NOX4: variants seen among roughly 807,000 people sequenced by gnomAD.
The protein encoded by NOX4 is kidney oxidase-1.
A neutral mutation model predicts 87.6 loss-of-function variants in NOX4; 69 were observed. The ratio of observed to expected loss-of-function variants is 0.79; its 90% CI spans 0.65 to 0.96. NOX4 has a LOEUF of 0.96. NOX4 is among the 40% of genes least tolerant of loss of function. The pLI, the probability that NOX4 is intolerant of heterozygous loss-of-function variation, is 0.00. For synonymous variants in NOX4, 275 were observed against 238.2 expected (o/e 1.15, Z -1.42); for missense variants, 680 against 681.5 (o/e 1.00, Z 0.02).
chr11:89,433,694 A>G (rs1943931969), intron 6 of NOX4, among the ~76,000 whole-genome samples: 1 of 152,134 alleles, frequency 6.6e-6, no homozygotes, highest in Non-Finnish European at 1.5e-5. Context: ...ACTTGCAGAC[A>G]TATTTCTCCT....
At chr11:89,357,329 T>TC in intron 12 of NOX4, among the ~76,000 whole-genome samples, 1 of 152,224 alleles carries the variant, frequency 6.6e-6, no homozygotes, top group South Asian at 2.1e-4. Flanking sequence ...AAAAAAATAC[T>TC]CTGTGTTTTT....
chr11:89,375,231 A>C (rs1939749525), intron 11 of NOX4, among the ~76,000 whole-genome samples: 1 of 152,110 alleles, frequency 6.6e-6, no homozygotes, highest in Admixed American at 6.5e-5. Context: ...ACATTGTTTA[A>C]ATATTTGTAT....
At chr11:89,554,737 A>G in the NOX4 span, among the ~76,000 whole-genome samples, 1 of 152,270 alleles carries the variant, frequency 6.6e-6, no homozygotes, top group South Asian at 2.1e-4. Flanking sequence ...GTTGACATTT[A>G]GTTAGCAATC....
chr11:89,490,620 A>T (rs1241062696), intron 1 of NOX4, 67 bp from the exon 2 acceptor site: 2 of 1,127,608 alleles, frequency 1.8e-6, no homozygotes, highest in Non-Finnish European at 2.7e-6. Context: ...ATGAATAGAA[A>T]CCACAGGTAA....
intron 17 of NOX4, among the ~76,000 whole-genome samples, chr11:89,334,787 T>A (rs1385682145): frequency 6.6e-6 from 1 of 151,706 alleles, no homozygotes; most frequent in East Asian, 1.9e-4. Flanking sequence ...AAATGAAATA[T>A]TTAATTTATG....
intron 6 of NOX4, among the ~76,000 whole-genome samples, chr11:89,439,653 C>A (rs1944370896): frequency 6.6e-6 from 1 of 152,064 alleles, no homozygotes; most frequent in Non-Finnish European, 1.5e-5. Context: ...ATCCTTGTCC[C>A]TGAAATATGT....
At chr11:89,345,499 C>A (rs1360321941) in intron 13 of NOX4, among the ~76,000 whole-genome samples, 1 of 152,112 alleles carries the variant, frequency 6.6e-6, no homozygotes, top group Non-Finnish European at 1.5e-5. Context: ...AGACACATGA[C>A]CATGAGCTTA....
chr11:89,558,578 G>A, the NOX4 span, among the ~76,000 whole-genome samples: 3 of 152,120 alleles, frequency 2.0e-5, no homozygotes, highest in African/African-American at 7.2e-5. Flanking sequence ...CCCAGGCTTA[G>A]TAGTACCCCA....
chr11:89,541,332 A>T, the NOX4 span, among the ~76,000 whole-genome samples: 3 of 152,258 alleles, frequency 2.0e-5, no homozygotes, highest in East Asian at 5.8e-4. Flanking sequence ...CCCTAAGAAG[A>T]GTTTTTTTCC....
the NOX4 span, among the ~76,000 whole-genome samples, chr11:89,541,480 C>A: frequency 6.6e-6 from 1 of 152,146 alleles, no homozygotes; most frequent in Non-Finnish European, 1.5e-5. Flanking sequence ...CAATACACTA[C>A]CAGGTATTAG....
At chr11:89,404,013 T>C (rs1454008479) in intron 8 of NOX4, among the ~76,000 whole-genome samples, 1 of 152,060 alleles carries the variant, frequency 6.6e-6, no homozygotes, top group Non-Finnish European at 1.5e-5. Flanking sequence ...GGGGCATGCA[T>C]TACATGACAT....
the NOX4 span, among the ~76,000 whole-genome samples, chr11:89,579,513 T>C: frequency 2.0e-5 from 3 of 151,902 alleles, no homozygotes; most frequent in African/African-American, 7.3e-5. Context: ...CCATAGAATA[T>C]ACAACATAAA....
In NOX4 at chr11:89,400,052, A is replaced by G. The variant is rs1335485186; in HGVS notation, c.1039T>C (p.Ser347Pro). 1 of 1,608,540 alleles carries G rather than the reference A, an allele frequency of 6.2e-7. No individual in the cohort carries two copies. Among genetic ancestry groups the G allele is most frequent in the Middle Eastern group, 1.7e-4 (1 of 6,024 alleles). Reference sequence around the variant, plus strand: ...GTAAATGGATGATTTTCTAATGCAGATACACTGGGACAATGTAGAGTAATA... The same window carrying G: ...GTAAATGGATGATTTTCTAATGCAGGTACACTGGGACAATGTAGAGTAATA... ...QYITLHCPSV[S>P]ALENHPFTLT... Residue 347 changes from serine to proline, a missense_variant, in exon 11 of 18, where the codon TCT becomes CCT. Physicochemically the swap from Ser to Pro is moderately conservative, Grantham distance 74. Transcript: ENST00000263317.
the NOX4 span, among the ~76,000 whole-genome samples, chr11:89,561,070 T>C: frequency 2.6e-5 from 3 of 117,252 alleles, no homozygotes; most frequent in South Asian, 5.4e-4. Context: ...TATATATATA[T>C]ATATATATAT....
chr11:89,582,289 G>C, the NOX4 span, among the ~76,000 whole-genome samples: 1 of 151,896 alleles, frequency 6.6e-6, no homozygotes, highest in Non-Finnish European at 1.5e-5. Context: ...CATCTGTTGA[G>C]GGATATTTAG....
At chr11:89,549,834 T>C in the NOX4 span, among the ~76,000 whole-genome samples, 4 of 152,208 alleles carry the variant, frequency 2.6e-5, no homozygotes, top group Admixed American at 1.3e-4. Context: ...GAACTCATTC[T>C]TTTTTACGGC....
intron 2 of NOX4, chr11:89,488,824 C>A: frequency 1.9e-6 from 1 of 523,064 alleles, no homozygotes; most frequent in Non-Finnish European, 3.4e-6. Flanking sequence ...GAAAACAAAA[C>A]CAAAAAGTTA....
intron 11 of NOX4, among the ~76,000 whole-genome samples, chr11:89,379,942 T>G (rs938481726): frequency 5.3e-5 from 8 of 152,068 alleles, no homozygotes. Context: ...GCAGCCAGAG[T>G]GATCCTGTTG....
chr11:89,476,222 T>C (rs1007360947), intron 2 of NOX4, among the ~76,000 whole-genome samples: 3 of 152,132 alleles, frequency 2.0e-5, no homozygotes, highest in Non-Finnish European at 4.4e-5. Context: ...AATGTTCTCT[T>C]TTATATTTTT....
Sources: allele counts gnomAD v4.1 joint callset (sites outside exome capture counted in the v4.1 genomes callset), GRCh38; gene constraint gnomAD v4.1.1; transcripts MANE v1.5; gene names NCBI Gene and HGNC (gene_info 2026-07-23, HGNC 2026-07-21).